Variants in ZFP1 observed in about 807,000 individuals in gnomAD.
ZFP1 encodes ZFP1 zinc finger protein.
A neutral mutation model predicts 38.5 loss-of-function variants in ZFP1; 32 were observed. The observed-to-expected ratio is 0.83, with a 90% CI of 0.63 to 1.12. The LOEUF (loss-of-function observed/expected upper bound fraction) is 1.12. Ranked by LOEUF, ZFP1 falls within the 50% of genes most tolerant of loss-of-function variation. ZFP1 has a pLI of 0.00. For synonymous variants in ZFP1, 245 were observed against 168.8 expected (o/e 1.45, Z -3.50); for missense variants, 616 against 480.8 (o/e 1.28, Z -2.63).
intron 1 of ZFP1, 74 bp from the exon 2 acceptor site, chr16:75,152,835 A>G (rs2041917830): frequency 2.8e-6 from 4 of 1,427,998 alleles, no homozygotes; most frequent in Non-Finnish European, 3.9e-6. Flanking sequence ...AGGGGTTTCT[A>G]AACAAGTCAT....
At chr16:75,150,115 C>A (rs2037113837) in intron 1 of ZFP1, among the ~76,000 whole-genome samples, 1 of 151,754 alleles carries the variant, frequency 6.6e-6, no homozygotes, top group African/African-American at 2.4e-5. Context: ...CCATTCAATT[C>A]AAATTTTTTT....
At chr16:75,166,532 A>AG in intron 2 of ZFP1, 1 of 985,026 alleles carries the variant, frequency 1.0e-6, no homozygotes, top group African/African-American at 1.7e-5. Flanking sequence ...CCTGGCCAAT[A>AG]GTGTTTTATT....
the ZFP1 span, among the ~76,000 whole-genome samples, chr16:75,119,940 C>G: frequency 6.6e-6 from 1 of 152,140 alleles, no homozygotes; most frequent in African/African-American, 2.4e-5. Context: ...ATTTTGACTA[C>G]TAAGTGGCTT....
chr16:75,156,438 C>T (rs2037474865), intron 2 of ZFP1, among the ~76,000 whole-genome samples: 2 of 148,376 alleles, frequency 1.3e-5, no homozygotes, highest in Admixed American at 1.4e-4. Context: ...GCCTGGGCAA[C>T]AGAGTAAGAC....
chr16:75,138,151 C>T, the ZFP1 span, among the ~76,000 whole-genome samples: 1 of 149,402 alleles, frequency 6.7e-6, no homozygotes, highest in Non-Finnish European at 1.5e-5. Context: ...ATTCTCCTGC[C>T]TCAGCCTCTC....
the ZFP1 span, among the ~76,000 whole-genome samples, chr16:75,131,397 C>A: frequency 6.6e-6 from 1 of 152,122 alleles, no homozygotes; most frequent in Non-Finnish European, 1.5e-5. Flanking sequence ...GAGCTCAGGA[C>A]CATCCTGGAG....
chr16:75,166,384 C>T (rs1017368853), intron 2 of ZFP1, among the ~76,000 whole-genome samples: 2 of 152,180 alleles, frequency 1.3e-5, no homozygotes, highest in Non-Finnish European at 2.9e-5. Flanking sequence ...CAGGCATGTG[C>T]CACCATGCCC....
the ZFP1 span, among the ~76,000 whole-genome samples, chr16:75,139,723 G>A: frequency 2.4e-4 from 37 of 152,230 alleles, no homozygotes; most frequent in East Asian, 1.4e-3. Flanking sequence ...AAGCCAGGTG[G>A]TTTATACTTA....
At chr16:75,145,550 C>G (rs970645482), upstream of ZFP1, among the ~76,000 whole-genome samples, 1 of 152,114 alleles carries the variant, frequency 6.6e-6, no homozygotes, top group African/African-American at 2.4e-5. Flanking sequence ...ATAAGAACCC[C>G]AAATCCCAGG....
intron 2 of ZFP1, among the ~76,000 whole-genome samples, chr16:75,164,223 T>C (rs2145561878): frequency 6.6e-6 from 1 of 152,348 alleles, no homozygotes; most frequent in South Asian, 2.1e-4. Flanking sequence ...ATATGTAGGT[T>C]TTTAAACCCT....
intron 1 of ZFP1, among the ~76,000 whole-genome samples, chr16:75,150,836 A>G (rs896540737): frequency 6.6e-6 from 1 of 151,942 alleles, no homozygotes; most frequent in Non-Finnish European, 1.5e-5. Flanking sequence ...TGATTGATTG[A>G]TTGATTGAGA....
chr16:75,169,067 A>G (rs896682002), intron 3 of ZFP1, among the ~76,000 whole-genome samples, 186 bp from the exon 4 acceptor site: 1 of 152,168 alleles, frequency 6.6e-6, no homozygotes, highest in African/African-American at 2.4e-5. Flanking sequence ...TTTAACCACA[A>G]GCTATTACCT....
chr16:75,159,753 T>G (rs1186447366), intron 2 of ZFP1, among the ~76,000 whole-genome samples: 1 of 152,174 alleles, frequency 6.6e-6, no homozygotes, highest in Non-Finnish European at 1.5e-5. Flanking sequence ...GTATGCTGGA[T>G]ATGTTGTATG....
At chr16:75,154,779 A>G (rs2037389069) in intron 2 of ZFP1, among the ~76,000 whole-genome samples, 1 of 151,884 alleles carries the variant, frequency 6.6e-6, no homozygotes, top group African/African-American at 2.4e-5. Context: ...GATTTTAGCC[A>G]TTTTATTTAT....
At chr16:75,128,607 G>T in the ZFP1 span, among the ~76,000 whole-genome samples, 3 of 152,068 alleles carry the variant, frequency 2.0e-5, no homozygotes, top group Non-Finnish European at 4.4e-5. Context: ...TCTTGGCAAC[G>T]TGTCTTCAAA....
In ZFP1 at chr16:75,169,490, C is replaced by T. The variant is rs1170180122; in HGVS notation, c.380C>T (p.Ala127Val). ...TTGCTTAATAGTAATAGAAGCTATG[C>T]AGGAAAGCAGACTGATGAGTGTAAT... ...SDLLNSNRSY[A>V]GKQTDECNEF... Residue 127 changes from alanine to valine, a missense_variant, in exon 4 of 4, where the codon GCA (alanine) becomes GTA (valine). Physicochemically the swap from Ala to Val is moderately conservative, Grantham distance 64. Transcript: ENST00000570010. The T allele has an allele frequency of 6.2e-7, 1 of 1,612,914 alleles. No individual in the cohort carries two copies. The highest frequency in any genetic ancestry group is 8.5e-7 in the Non-Finnish European group (1 of 1,179,804).
intron 2 of ZFP1, among the ~76,000 whole-genome samples, chr16:75,160,999 A>G (rs557185786): frequency 9.9e-5 from 15 of 152,172 alleles, no homozygotes; most frequent in Non-Finnish European, 2.1e-4. Context: ...AAAATACTCA[A>G]ACCATAGCAT....
At chr16:75,153,049 TATGA>T (rs1481063005) in intron 2 of ZFP1, 83 bp downstream of exon 2, 28 of 1,551,108 alleles carry the variant, frequency 1.8e-5, no homozygotes, top group Non-Finnish European at 2.2e-5. Context: ...AATAGAAAAG[TATGA>T]ATAAGACACA....
At chr16:75,162,705 C>G (rs536614122) in intron 2 of ZFP1, among the ~76,000 whole-genome samples, 1 of 152,182 alleles carries the variant, frequency 6.6e-6, no homozygotes, top group African/African-American at 2.4e-5. Flanking sequence ...TTGTTACCAT[C>G]TTTATGTTCG....
Sources: gnomAD v4.1 joint callset for allele counts (sites outside exome capture counted in the v4.1 genomes callset) on GRCh38, gnomAD v4.1.1 for gene constraint, MANE v1.5 for transcripts, NCBI Gene and HGNC (gene_info 2026-07-23, HGNC 2026-07-21) for gene names.